NEK11: variants seen among roughly 807,000 people sequenced by gnomAD.
NEK11 encodes the protein serine/threonine-protein kinase Nek11.
A neutral mutation model predicts 80.7 loss-of-function variants in NEK11; 72 were observed. The ratio of observed to expected loss-of-function variants is 0.89; its 90% CI spans 0.74 to 1.08. The LOEUF (loss-of-function observed/expected upper bound fraction) is 1.08, where lower values mean the gene tolerates loss of function less well. Ranked by LOEUF, NEK11 falls within the 50% of genes least tolerant of loss-of-function variation. The pLI is 0.00. For missense variants in NEK11, 764 were observed against 763.6 expected (o/e 1.00, Z -0.01); for synonymous variants, 251 against 260.7 (o/e 0.96, Z 0.36).
intron 16 of NEK11, among the ~76,000 whole-genome samples, chr3:131,255,726 A>C (rs1163672919): frequency 6.6e-6 from 1 of 152,156 alleles, no homozygotes; most frequent in Non-Finnish European, 1.5e-5. Flanking sequence ...TTGAAAAAAA[A>C]GTTGTATGCC....
chr3:131,244,135 T>G (rs1011315611), intron 16 of NEK11, among the ~76,000 whole-genome samples: 1 of 152,040 alleles, frequency 6.6e-6, no homozygotes, highest in Non-Finnish European at 1.5e-5. Flanking sequence ...AGTTTTTATT[T>G]AAAAAATTTA....
At chr3:131,203,810 TATATATATATATATATAA>T (rs2094354561) in intron 14 of NEK11, among the ~76,000 whole-genome samples, 1 of 75,836 alleles carries the variant, frequency 1.3e-5, no homozygotes, top group African/African-American at 5.9e-5. Flanking sequence ...TATATATATA[TATATATATATATATATAA>T]AGTTTTCACC....
At chr3:131,150,719 ACAC>A (rs1290410144) in intron 7 of NEK11, among the ~76,000 whole-genome samples, 4 of 151,930 alleles carry the variant, frequency 2.6e-5, no homozygotes, top group African/African-American at 9.7e-5. Flanking sequence ...TAATTTTTAA[ACAC>A]CACAAGATAT....
chr3:131,297,587 C>T (rs890880713), intron 17 of NEK11, among the ~76,000 whole-genome samples: 239 of 152,108 alleles, frequency 1.6e-3, no homozygotes, highest in Non-Finnish European at 2.9e-3. Flanking sequence ...GAGTAGGTTG[C>T]GAAAATTTTC....
intron 17 of NEK11, among the ~76,000 whole-genome samples, chr3:131,289,526 C>T (rs78821743): frequency 3.3e-4 from 50 of 152,306 alleles, no homozygotes; most frequent in African/African-American, 1.2e-3. Context: ...CAGACCATGG[C>T]AGTAGCATCA....
chr3:131,203,086 C>T (rs912744922), intron 14 of NEK11, among the ~76,000 whole-genome samples: 2 of 152,092 alleles, frequency 1.3e-5, no homozygotes, highest in Non-Finnish European at 2.9e-5. Context: ...TGGGTATATA[C>T]CCAAAGGATT....
intron 15 of NEK11, among the ~76,000 whole-genome samples, chr3:131,237,780 G>A (rs1263749083): frequency 2.0e-5 from 3 of 152,064 alleles, no homozygotes; most frequent in East Asian, 1.9e-4. Flanking sequence ...AGCCAACCTC[G>A]ACTGACATCC....
chr3:131,349,652 G>A lies in NEK11; in HGVS notation c.1814G>A (p.Arg605His), dbSNP rs144423438. 33 of 1,614,152 alleles carry A rather than the reference G, an allele frequency of 2.0e-5. No individual in the cohort carries two copies. The highest frequency in any genetic ancestry group is 1.7e-4 in the African/African-American group (13 of 75,044). ...CAGAATGCTAGCGAAGCAGAGATCC[G>A]CGAGTGTTTGGAAAAAGTGGTGCCT... ...RHQNASEAEI[R>H]ECLEKVVPQA... The change falls in exon 18 of 18, where the codon CGC (arginine) becomes CAC (histidine). Residue 605 changes from arginine to histidine, a missense_variant. Physicochemically the swap from Arg to His is conservative, Grantham distance 29. Coordinates refer to ENST00000383366, the MANE Select transcript of NEK11 (RefSeq NM_024800.5).
At chr3:131,199,243 C>G (rs904958067) in intron 14 of NEK11, among the ~76,000 whole-genome samples, 6 of 151,886 alleles carry the variant, frequency 4.0e-5, no homozygotes, top group African/African-American at 7.3e-5. Flanking sequence ...TTCTACCTAC[C>G]CCTTTAAATT....
intron 16 of NEK11, among the ~76,000 whole-genome samples, chr3:131,262,135 G>C (rs1230558018): frequency 2.6e-5 from 4 of 152,070 alleles, no homozygotes; most frequent in Non-Finnish European, 5.9e-5. Context: ...GGATTGTAAA[G>C]GTATACTACG....
At chr3:131,320,997 A>G (rs1041217140) in intron 17 of NEK11, among the ~76,000 whole-genome samples, 1 of 152,194 alleles carries the variant, frequency 6.6e-6, no homozygotes, top group Non-Finnish European at 1.5e-5. Flanking sequence ...TTAGGAAAAA[A>G]CTATTATAAA....
chr3:131,183,510 C>T (rs969430615), intron 14 of NEK11, among the ~76,000 whole-genome samples: 3 of 152,186 alleles, frequency 2.0e-5, no homozygotes, highest in Non-Finnish European at 4.4e-5. Context: ...TGCTCAGCTC[C>T]AGCTTATAAG....
At position 131,350,283 on chromosome 3, in the gene NEK11, A is replaced by G. The variant is rs2097431576; in HGVS notation, c.*507A>G. 1 of 154,586 alleles carries G rather than the reference A, an allele frequency of 6.5e-6. No homozygotes were observed. Among genetic ancestry groups the G allele is most frequent in the Non-Finnish European group, 1.4e-5 (1 of 69,712 alleles). 9.6% of individuals were successfully genotyped at this position (154,586 alleles called of 1,614,324 possible). A position where few individuals can be genotyped will look rare whatever the true frequency, so the allele number is the denominator to read the frequency against. On this transcript the variant is annotated 3_prime_UTR_variant, in exon 18 of 18. Coordinates refer to ENST00000383366, the MANE Select transcript of NEK11 (RefSeq NM_024800.5). ...GTTTTTGGTCCACTTTTGCCCTTCC[A>G]TGACTAATAAGGAAGATATGTGTGT...
intron 3 of NEK11, among the ~76,000 whole-genome samples, chr3:131,047,822 G>T (rs183871873): frequency 5.3e-5 from 8 of 152,332 alleles, no homozygotes; most frequent in African/African-American, 1.7e-4. Context: ...CAGGTGGTAG[G>T]TGGGACCATA....
chr3:131,145,779 C>G (rs1288811680), intron 7 of NEK11, among the ~76,000 whole-genome samples: 1 of 151,994 alleles, frequency 6.6e-6, no homozygotes, highest in Non-Finnish European at 1.5e-5. Context: ...CAGTATGGAA[C>G]CTTGAACAAT....
rs74715414 is a variant in NEK11, at chr3:131,141,598, T to C, written c.647+7642T>C. Reference sequence around the variant, plus strand: ...AAAGGTGTTTATTTAATGCCAAAATTTCAGATATATCACCAATTTTGAAAC... The same window carrying C: ...AAAGGTGTTTATTTAATGCCAAAATCTCAGATATATCACCAATTTTGAAAC... On this transcript the variant is annotated intron_variant, in intron 7 of 17. Coordinates refer to ENST00000383366, the MANE Select transcript of NEK11 (RefSeq NM_024800.5). 5.9e-5 allele frequency among the ~76,000 whole-genome samples: 9 copies of C among 152,316 alleles called. No homozygotes were observed. The East Asian group carries it at 1.7e-3, about 29-fold the overall frequency.
chr3:131,159,379 C>T (rs1429334207), intron 10 of NEK11, among the ~76,000 whole-genome samples: 3 of 152,104 alleles, frequency 2.0e-5, no homozygotes, highest in African/African-American at 7.2e-5. Context: ...TCCAAGGAAG[C>T]TAAGAAACAT....
intron 16 of NEK11, among the ~76,000 whole-genome samples, chr3:131,254,031 C>T (rs1173570371): frequency 2.0e-5 from 3 of 152,172 alleles, no homozygotes; most frequent in African/African-American, 7.2e-5. Context: ...GGCAAGGTAG[C>T]AGACATGTAG....
chr3:131,072,176 A>G (rs2073481331), intron 3 of NEK11: 1 of 152,192 alleles, frequency 6.6e-6, no homozygotes, highest in African/African-American at 2.4e-5. Context: ...TTCTGGTTTG[A>G]CTAATTCAGC....
Sources: allele counts gnomAD v4.1 joint callset (sites outside exome capture counted in the v4.1 genomes callset), GRCh38; gene constraint gnomAD v4.1.1; transcripts MANE v1.5; gene names NCBI Gene and HGNC (gene_info 2026-07-23, HGNC 2026-07-21).